The following NAALADL2 variants were observed in gnomAD, a reference collection of about 807,000 sequenced individuals.
The protein encoded by NAALADL2 is N-acetylated alpha-linked acidic dipeptidase like 2, also known as inactive N-acetylated-alpha-linked acidic dipeptidase-like protein 2.
A neutral mutation model predicts 87.2 loss-of-function variants in NAALADL2; 76 were observed. That is an observed-to-expected ratio of 0.87 (90% CI 0.72 to 1.05). NAALADL2 has a LOEUF of 1.05. Among genes scored for constraint, NAALADL2 ranks in the 50% least tolerant of loss-of-function variants. The pLI is 0.00. For synonymous variants in NAALADL2, 354 were observed against 331.0 expected (o/e 1.07, Z -0.75); for missense variants, 1,089 against 945.8 (o/e 1.15, Z -1.99).
At chr3:175,163,431 C>A (rs995566677) in intron 2 of NAALADL2, among the ~76,000 whole-genome samples, 1 of 151,784 alleles carries the variant, frequency 6.6e-6, no homozygotes, top group Non-Finnish European at 1.5e-5. Context: ...CAAGAGGCTC[C>A]GTTTTGTATG....
intron 1 of NAALADL2, among the ~76,000 whole-genome samples, chr3:174,999,018 C>A (rs1050446288): frequency 6.6e-6 from 1 of 151,978 alleles, no homozygotes; most frequent in Non-Finnish European, 1.5e-5. Flanking sequence ...ATGATGACTG[C>A]AAAAGACTAA....
chr3:175,258,325 A>C (rs1173610502), intron 4 of NAALADL2, among the ~76,000 whole-genome samples: 7 of 85,178 alleles, frequency 8.2e-5, no homozygotes, highest in Middle Eastern at 5.7e-3. Context: ...CCCCACCACC[A>C]AAAAAAAAAA....
intron 5 of NAALADL2, among the ~76,000 whole-genome samples, chr3:175,349,534 T>C (rs1245373480): frequency 1.3e-5 from 2 of 152,224 alleles, no homozygotes; most frequent in Non-Finnish European, 2.9e-5. Context: ...GGGAAGTCAC[T>C]GAACTCTCCT....
chr3:174,497,863 TA>T (rs905770375), intron 1 of NAALADL2, among the ~76,000 whole-genome samples: 5 of 152,190 alleles, frequency 3.3e-5, no homozygotes, highest in Middle Eastern at 3.2e-3. Flanking sequence ...GTTGTTAATG[TA>T]AAAAACTGAA....
chr3:175,614,298 G>A (rs941198059), intron 10 of NAALADL2, among the ~76,000 whole-genome samples: 6 of 152,144 alleles, frequency 3.9e-5, no homozygotes, highest in Admixed American at 6.6e-5. Flanking sequence ...TGATCTGCCC[G>A]CCTCGGCCTC....
chr3:175,527,448 A>C (rs1733571001), intron 9 of NAALADL2, among the ~76,000 whole-genome samples: 1 of 152,216 alleles, frequency 6.6e-6, no homozygotes, highest in Non-Finnish European at 1.5e-5. Flanking sequence ...AATATACTTG[A>C]GAAATTATTG....
chr3:175,228,863 T>C (rs1186310883), intron 2 of NAALADL2, among the ~76,000 whole-genome samples: 1 of 151,970 alleles, frequency 6.6e-6, no homozygotes, highest in Non-Finnish European at 1.5e-5. Flanking sequence ...ATGCCAAATT[T>C]ACTTTTAAAA....
In NAALADL2 at chr3:175,096,772, T is replaced by G; in HGVS notation, c.44-18T>G. ...TGTGTGTTTATTTTATTAAAATATATTTTTCTTATTTTCACAGGTAAAAAG... is the reference window on the plus strand; with the variant it reads ...TGTGTGTTTATTTTATTAAAATATAGTTTTCTTATTTTCACAGGTAAAAAG... On this transcript the variant is annotated intron_variant, in intron 1 of 13. Coordinates refer to ENST00000454872, the MANE Select transcript of NAALADL2 (RefSeq NM_207015.3). 7.1e-7 allele frequency: 1 copy of G among 1,413,614 alleles called. No individual in the cohort carries two copies. Among genetic ancestry groups the G allele is most frequent in the Non-Finnish European group, 9.3e-7 (1 of 1,070,940 alleles). 87.6% of individuals were successfully genotyped at this position (1,413,614 alleles called of 1,614,324 possible). A position where few individuals can be genotyped will look rare whatever the true frequency, so the allele number is the denominator to read the frequency against.
chr3:174,882,465 A>G lies in NAALADL2; in HGVS notation c.43+23015A>G, dbSNP rs138878697. 5.9e-3 allele frequency among the ~76,000 whole-genome samples: 898 copies of G among 151,046 alleles called. 6 individuals carry two copies. Among genetic ancestry groups the G allele is most frequent in the Admixed American group, 0.011 (160 of 15,168 alleles). ...TATATGTGTGTATATATACATATAT[A>G]CATATGTGTATGCATACATATGTGC... On this transcript the variant is annotated intron_variant, in intron 1 of 13. Transcript: ENST00000454872.
At chr3:175,718,893 C>G (rs536417920) in intron 11 of NAALADL2, among the ~76,000 whole-genome samples, 3 of 151,452 alleles carry the variant, frequency 2.0e-5, no homozygotes, top group African/African-American at 4.9e-5. Context: ...CCACCACCAC[C>G]AACAACAACA....
intron 1 of NAALADL2, among the ~76,000 whole-genome samples, chr3:174,874,872 T>C (rs1029088668): frequency 6.6e-6 from 1 of 151,806 alleles, no homozygotes; most frequent in African/African-American, 2.4e-5. Context: ...TCCTAGCACT[T>C]TGGGAGGGTG....
intron 2 of NAALADL2, among the ~76,000 whole-genome samples, chr3:175,181,727 G>GCA (rs376663997): frequency 3.4e-3 from 57 of 16,978 alleles, no homozygotes; most frequent in South Asian, 6.3e-3. Flanking sequence ...GTATATATAT[G>GCA]TATATATGTG....
chr3:174,668,104 T>C (rs1224029199), intron 2 of NAALADL2, among the ~76,000 whole-genome samples: 1 of 152,142 alleles, frequency 6.6e-6, no homozygotes, highest in African/African-American at 2.4e-5. Context: ...GATTTGCATT[T>C]CTGTAATGAT....
chr3:174,806,227 A>G (rs1233875586), intron 3 of NAALADL2, among the ~76,000 whole-genome samples: 1 of 152,190 alleles, frequency 6.6e-6, no homozygotes, highest in African/African-American at 2.4e-5. Flanking sequence ...TACCTATGAA[A>G]GGGAGGAAAA....
intron 3 of NAALADL2, among the ~76,000 whole-genome samples, chr3:174,783,582 A>G (rs772287673): frequency 1.3e-5 from 2 of 152,178 alleles, no homozygotes; most frequent in Non-Finnish European, 2.9e-5. Context: ...AATTTAGCCC[A>G]TAGACCTGAT....
intron 1 of NAALADL2, among the ~76,000 whole-genome samples, chr3:174,520,219 A>G (rs538666145): frequency 6.6e-6 from 1 of 152,280 alleles, no homozygotes; most frequent in African/African-American, 2.4e-5. Context: ...AACAATCCTA[A>G]AGTTCGTATG....
At chr3:174,914,063 CTT>C (rs201995069) in intron 1 of NAALADL2, among the ~76,000 whole-genome samples, 1 of 141,704 alleles carries the variant, frequency 7.1e-6, no homozygotes, top group African/African-American at 2.6e-5. Flanking sequence ...CTTTTCTTTT[CTT>C]TTTTTTTTTT....
chr3:175,503,312 CT>C (rs1272587863), intron 9 of NAALADL2, among the ~76,000 whole-genome samples: 1 of 152,108 alleles, frequency 6.6e-6, no homozygotes, highest in South Asian at 2.1e-4. Flanking sequence ...ACCACCTTTT[CT>C]TTATCCAGTC....
chr3:175,248,646 T>A (rs1748450423), intron 3 of NAALADL2, among the ~76,000 whole-genome samples: 1 of 152,180 alleles, frequency 6.6e-6, no homozygotes. Context: ...ATTTAGTTCC[T>A]ACTGTGTGCC....
Sources: gnomAD v4.1 joint callset for allele counts (sites outside exome capture counted in the v4.1 genomes callset) on GRCh38, gnomAD v4.1.1 for gene constraint, MANE v1.5 for transcripts, NCBI Gene and HGNC (gene_info 2026-07-23, HGNC 2026-07-21) for gene names.